AATK: variants seen among roughly 807,000 people sequenced by gnomAD.
The protein encoded by AATK is serine/threonine-protein kinase LMTK1.
AATK carries 91 observed loss-of-function variants against 114.3 expected under a neutral mutation model. The ratio of observed to expected loss-of-function variants is 0.80; its 90% confidence interval spans 0.67 to 0.95. The LOEUF is 0.95. AATK is among the 40% of genes least tolerant of loss of function. AATK has a pLI of 0.00. For synonymous variants in AATK, 1,075 were observed against 916.5 expected (o/e 1.17, Z -3.12); for missense variants, 2,176 against 1,965.2 (o/e 1.11, Z -2.03).
chr17:81,124,313 G>A (rs2060759714), intron 9 of AATK, among the ~76,000 whole-genome samples: 1 of 152,192 alleles, frequency 6.6e-6, no homozygotes, highest in African/African-American at 2.4e-5. Flanking sequence ...CAGGATAGGG[G>A]CTTCCAGGCT....
rs752104411 is a variant in AATK, at chr17:81,118,393, G to A, written c.*9C>T. On this transcript the variant is annotated 3_prime_UTR_variant, in exon 14 of 14. Transcript: ENST00000326724. ...ACGCCAGCCTTGAGGGGCAGGAGCTGCCCAGGTCTCAAGCCTCTTTACTCT... is the reference window on the plus strand; with the variant it reads ...ACGCCAGCCTTGAGGGGCAGGAGCTACCCAGGTCTCAAGCCTCTTTACTCT... 1.9e-6 allele frequency: 3 copies of A among 1,604,504 alleles called. No homozygotes were observed. The South Asian group carries it at 3.4e-5, about 18-fold the overall frequency.
At position 81,131,200 on chromosome 17, in the gene AATK, A is replaced by T; in HGVS notation, c.195T>A (p.Phe65Leu). 6.3e-7 allele frequency: 1 copy of T among 1,577,058 alleles called. No homozygotes were observed. The highest frequency in any genetic ancestry group is 8.6e-7 in the Non-Finnish European group (1 of 1,164,784). ...CKKGGIGFKE[F>L]ENAEGDEYAA... ...CGTACTCGTCCCCCTCCGCATTCTC[A>T]AACTCCTGCGGGCCGGGCCGGGCAT... The change falls in exon 3 of 14, where the codon TTT becomes TTA. Residue 65 changes from phenylalanine (F) to leucine (L), a missense_variant. Phe to Leu is a conservative substitution (Grantham distance 22). Coordinates refer to ENST00000326724, the MANE Select transcript of AATK (RefSeq NM_001080395.3).
At chr17:81,152,771 T>C (rs763998938) in intron 1 of AATK, among the ~76,000 whole-genome samples, 4 of 152,118 alleles carry the variant, frequency 2.6e-5, no homozygotes, top group Non-Finnish European at 5.9e-5. Context: ...ATATTTAGTA[T>C]TAAATCTAAC....
At chr17:81,155,712 G>T (rs1375955131) in intron 1 of AATK, among the ~76,000 whole-genome samples, 2 of 150,464 alleles carry the variant, frequency 1.3e-5, no homozygotes, top group Non-Finnish European at 1.5e-5. Context: ...TTTTAATAAG[G>T]TCTCACTCTG....
rs1403562950 is a variant in AATK at position 81,118,461 on chromosome 17, A to AGTTCTG, written c.4085-20_4085-19insCAGAAC. On this transcript the variant is annotated intron_variant, in intron 13 of 13. Transcript: ENST00000326724. ...TCAGGTCCTGGCAAGCAGGACAACAAAGTGAACACAGGGTTCTGAGACACC... is the reference window on the plus strand; with the variant it reads ...TCAGGTCCTGGCAAGCAGGACAACAAGTTCTGAGTGAACACAGGGTTCTGAGACACC... 1 of 1,603,882 alleles carries AGTTCTG rather than the reference A, an allele frequency of 6.2e-7. No homozygotes were observed. The highest frequency in any genetic ancestry group is 8.5e-7 in the Non-Finnish European group (1 of 1,176,206).
chr17:81,118,996 C>T (rs2060622578), intron 13 of AATK, among the ~76,000 whole-genome samples: 1 of 152,206 alleles, frequency 6.6e-6, no homozygotes, highest in Non-Finnish European at 1.5e-5. Flanking sequence ...AGCAGGGCTC[C>T]ACCTGGGCAC....
In AATK at chr17:81,120,712, C is replaced by A. The variant is rs540644022; in HGVS notation, c.3224G>T (p.Gly1075Val). The part of the protein sequence containing the change: ...SSPEPSTCPS[G>V]LVPEPPEPQG... ...GGGCTCCGGAGGCTCTGGGACCAGG[C>A]CCGAGGGGCAGGTGCTGGGCTCTGG... Residue 1075 changes from glycine (G) to valine (V), a missense_variant, in exon 11 of 14, where the codon GGC (glycine) becomes GTC (valine). Gly to Val is a moderately radical substitution (Grantham distance 109). Coordinates refer to ENST00000326724, the MANE Select transcript of AATK (RefSeq NM_001080395.3). 4.5e-6 allele frequency: 7 copies of A among 1,545,386 alleles called. No homozygotes were observed. Among genetic ancestry groups the A allele is most frequent in the Non-Finnish European group, 6.1e-6 (7 of 1,144,280 alleles).
intron 4 of AATK, 41 bp from the exon 5 acceptor site, chr17:81,127,951 A>G: frequency 6.5e-7 from 1 of 1,544,508 alleles, no homozygotes; most frequent in Non-Finnish European, 8.7e-7. Context: ...CTCCGCCTCC[A>G]CCGGCCCCGG....
In AATK at chr17:81,120,420, G is replaced by A. The variant is rs202227008; in HGVS notation, c.3516C>T (p.Asp1172=). 5 of 1,585,128 alleles carry A rather than the reference G, an allele frequency of 3.2e-6. No homozygotes were observed. The highest frequency in any genetic ancestry group is 2.3e-5 in the South Asian group (2 of 88,304). ...EEDSEDSDES[D]EELRCYSVQE... The stretch of plus-strand genomic sequence containing the variant: ...GGACGCTGTAGCAGCGGAGCTCCTC[G>A]TCAGACTCGTCGCTGTCCTCACTGT... Residue 1172 remains aspartate (D), a synonymous_variant, in exon 11 of 14, where the codon GAC becomes GAT. Transcript: ENST00000326724.
intron 13 of AATK, among the ~76,000 whole-genome samples, 164 bp downstream of exon 13, chr17:81,119,215 GT>G (rs879398638): frequency 0.054 from 7,460 of 138,014 alleles, 351 homozygotes; most frequent in East Asian, 0.082. Flanking sequence ...GCCAGGCGGG[GT>G]CCAGGCTAGG....
chr17:81,135,387 G>A (rs981184210), intron 1 of AATK, among the ~76,000 whole-genome samples: 11 of 152,190 alleles, frequency 7.2e-5, no homozygotes, highest in Middle Eastern at 3.4e-3. Context: ...GGCCTGCCCC[G>A]TCCCACCGCA....
At position 81,124,719 on chromosome 17, in the gene AATK, G is replaced by T. The variant is rs116038548; in HGVS notation, c.962+8C>A. On this transcript the variant is annotated splice_region_variant and intron_variant, in intron 9 of 13. Coordinates refer to ENST00000326724, the MANE Select transcript of AATK (RefSeq NM_001080395.3). ...GGCCCCTCACGGTGCCACCAGGGCC[G>T]CACTCACCACACATTCCCGCTCTTG... 6.2e-7 allele frequency: 1 copy of T among 1,612,210 alleles called. No individual in the cohort carries two copies. Among genetic ancestry groups the T allele is most frequent in the South Asian group, 1.1e-5 (1 of 91,056 alleles).
chr17:81,122,868 C>T, intron 10 of AATK, 45 bp from the exon 11 acceptor site: 2 of 1,400,246 alleles, frequency 1.4e-6, no homozygotes, highest in African/African-American at 1.5e-5. Context: ...CAACGCTGGC[C>T]AGGAACGCGT....
rs368515584 is a variant in AATK at position 81,120,382 on chromosome 17, T to A, written c.3554A>T (p.Glu1185Val). Residue 1185 changes from glutamate to valine, a missense_variant, in exon 11 of 14, where the codon GAG becomes GTG. Glu to Val is a moderately radical substitution (Grantham distance 121). This residue lies in a region of AATK where 1,701 missense variants were observed against 1,394.7 expected (regional missense o/e 1.22). Transcript: ENST00000326724. ...CGCCGGCGCCTCCTCTTCGCTGTCCTCGCTAGGCTCCTGGACGCTGTAGCA... is the reference window on the plus strand; with the variant it reads ...CGCCGGCGCCTCCTCTTCGCTGTCCACGCTAGGCTCCTGGACGCTGTAGCA... The part of the protein sequence containing the change: ...LRCYSVQEPS[E>V]DSEEEAPAVP... 22 of 1,607,766 alleles carry A rather than the reference T, an allele frequency of 1.4e-5. No homozygotes were observed. Among genetic ancestry groups the A allele is most frequent in the Non-Finnish European group, 1.8e-5 (21 of 1,177,598 alleles).
intron 3 of AATK, among the ~76,000 whole-genome samples, chr17:81,130,830 C>T (rs935948730): frequency 7.9e-5 from 12 of 152,222 alleles, no homozygotes; most frequent in Non-Finnish European, 1.5e-4. Flanking sequence ...AACCCCTGGC[C>T]GGCCCCCAGG....
In AATK at chr17:81,119,216, T is replaced by G. The variant is rs78169933; in HGVS notation, c.4084+164A>C. On this transcript the variant is annotated intron_variant, in intron 13 of 13. Coordinates refer to ENST00000326724, the MANE Select transcript of AATK (RefSeq NM_001080395.3). ...AGGGCCAGGCGAGGGCCAGGCGGGG[T>G]CCAGGCTAGGTCTGGGGCCGGGAAG... Among the ~76,000 whole-genome samples the G allele has an allele frequency of 9.1e-3, 939 of 103,382 alleles. 1 individual carries two copies. Among genetic ancestry groups the G allele is most frequent in the Middle Eastern group, 0.034 (6 of 174 alleles). 67.8% of individuals were successfully genotyped at this position (103,382 alleles called of 152,430 possible).
In AATK at chr17:81,121,461, G is replaced by A. The variant is rs752083583; in HGVS notation, c.2475C>T (p.Asp825=). 1.1e-5 allele frequency: 17 copies of A among 1,587,492 alleles called. No individual in the cohort carries two copies. In the African/African-American group the frequency reaches 2.1e-4, roughly 20 times the overall value. Reference sequence around the variant, plus strand: ...CGCCACCAGTAGCAGGCGTGGGAGAGTCAGGCAGGGCATCAGGGGCGTCGG... The same window carrying A: ...CGCCACCAGTAGCAGGCGTGGGAGAATCAGGCAGGGCATCAGGGGCGTCGG... ...SAPDAPDALP[D]SPTPATGGEV... The change falls in exon 11 of 14, where the codon GAC becomes GAT. Residue 825 remains aspartate, a synonymous_variant. Transcript: ENST00000326724.
At position 81,117,781 on chromosome 17, in the gene AATK, C is replaced by A. The variant is rs568717154; in HGVS notation, c.*621G>T. 22 of 152,430 alleles carry A rather than the reference C, an allele frequency of 1.4e-4. No homozygotes were observed. Among genetic ancestry groups the A allele is most frequent in the African/African-American group, 5.3e-4 (22 of 41,586 alleles). The allele number at this position is 152,430 out of a possible 1,614,324, so 9.4% of individuals were successfully genotyped here. ...GGGACCCAGGTGGGAGCAGCCTGTT[C>A]CCTGTGGGAAGGGTGGGCTTACGGG... On this transcript the variant is annotated 3_prime_UTR_variant, in exon 14 of 14. Coordinates refer to ENST00000326724, the MANE Select transcript of AATK (RefSeq NM_001080395.3).
Position 81,139,182 on chromosome 17 carries a change from A to G in AATK, c.56-4681T>C, listed in dbSNP as rs149822811. On this transcript the variant is annotated intron_variant, in intron 1 of 13. Coordinates refer to ENST00000326724, the MANE Select transcript of AATK (RefSeq NM_001080395.3). Reference sequence around the variant, plus strand: ...CAAGTACGAAAACTGAGGCTCAGTGATGTCACAAGCACACCCAAAGGGTGG... The same window carrying G: ...CAAGTACGAAAACTGAGGCTCAGTGGTGTCACAAGCACACCCAAAGGGTGG... 1.6e-3 allele frequency among the ~76,000 whole-genome samples: 245 copies of G among 152,328 alleles called. 5 individuals carry two copies. The highest frequency in any genetic ancestry group is 0.01 in the Middle Eastern group (3 of 294).
Sources: allele counts gnomAD v4.1 joint callset (sites outside exome capture counted in the v4.1 genomes callset), GRCh38; gene constraint gnomAD v4.1.1; regional missense constraint gnomAD v4.1.1; transcripts MANE v1.5; gene names NCBI Gene and HGNC (gene_info 2026-07-23, HGNC 2026-07-21).